Variants in R3HCC1L observed in about 807,000 individuals in gnomAD.
R3HCC1L encodes R3H domain and coiled-coil containing 1 like, also known as coiled-coil domain-containing protein R3HCC1L.
Under a neutral mutation model 59.9 loss-of-function variants are expected in R3HCC1L, and 51 were observed. The ratio of observed to expected loss-of-function variants is 0.85; its 90% CI spans 0.68 to 1.07. The LOEUF (loss-of-function observed/expected upper bound fraction) is 1.07. R3HCC1L is among the 50% of genes least tolerant of loss of function. R3HCC1L has a pLI of 0.00. For missense variants in R3HCC1L, 965 were observed against 933.0 expected (o/e 1.03, Z -0.45); for synonymous variants, 322 against 315.2 (o/e 1.02, Z -0.23).
At chr10:98,236,980 C>G (rs534147082) in intron 9 of R3HCC1L, among the ~76,000 whole-genome samples, 1 of 152,254 alleles carries the variant, frequency 6.6e-6, no homozygotes, top group African/African-American at 2.4e-5. Context: ...TTCCATTAAA[C>G]GAATTGAAGT....
At chr10:98,183,398 A>G (rs1849860854) in intron 4 of R3HCC1L, among the ~76,000 whole-genome samples, 1 of 146,818 alleles carries the variant, frequency 6.8e-6, no homozygotes, top group Admixed American at 6.8e-5. Context: ...TTTTTCCACC[A>G]TCAGTTTGAA....
Position 98,190,041 on chromosome 10 carries a change from A to G in R3HCC1L, c.-14-18060A>G, listed in dbSNP as rs545781254. ...TCTGATATAAAACGGCAGTATTTGT[A>G]TATAACCTATGTACATCCTCCTTTT... On this transcript the variant is annotated intron_variant, in intron 4 of 9. Transcript: ENST00000298999. Among the ~76,000 whole-genome samples the G allele has an allele frequency of 1.8e-4, 28 of 152,352 alleles. No individual in the cohort carries two copies. The East Asian group carries it at 5.4e-3, about 29-fold the overall frequency.
intron 1 of R3HCC1L, among the ~76,000 whole-genome samples, chr10:98,135,051 C>A (rs1013684400): frequency 1.3e-5 from 2 of 152,214 alleles, no homozygotes; most frequent in African/African-American, 2.4e-5. Context: ...CTGGTTACCC[C>A]CTCGGGGCTG....
intron 4 of R3HCC1L, among the ~76,000 whole-genome samples, chr10:98,195,812 T>G (rs111508050): frequency 0.013 from 2,024 of 152,292 alleles, 50 homozygotes; most frequent in African/African-American, 0.046. Context: ...GTATAAAAAT[T>G]CATCGATAAA....
intron 4 of R3HCC1L, among the ~76,000 whole-genome samples, chr10:98,175,003 G>T (rs1848864341): frequency 6.6e-6 from 1 of 152,174 alleles, no homozygotes; most frequent in East Asian, 1.9e-4. Flanking sequence ...AAAGGATTGT[G>T]TAGTTCGGTT....
chr10:98,184,149 C>T (rs928715409), intron 4 of R3HCC1L, among the ~76,000 whole-genome samples: 3 of 151,900 alleles, frequency 2.0e-5, no homozygotes, highest in African/African-American at 7.3e-5. Flanking sequence ...GTTTCTCTAG[C>T]ATTACTTTGT....
At chr10:98,200,392 A>G (rs1239030913) in intron 4 of R3HCC1L, among the ~76,000 whole-genome samples, 2 of 152,094 alleles carry the variant, frequency 1.3e-5, no homozygotes, top group African/African-American at 4.8e-5. Context: ...AAGGGCCTTG[A>G]CTCCGTCTGC....
chr10:98,224,032 G>GAT (rs1484551014), intron 5 of R3HCC1L, among the ~76,000 whole-genome samples: 1 of 152,070 alleles, frequency 6.6e-6, no homozygotes, highest in Non-Finnish European at 1.5e-5. Flanking sequence ...CAGGCTCCCT[G>GAT]ATGTTGCACT....
At chr10:98,202,293 T>C (rs1159225572) in intron 4 of R3HCC1L, among the ~76,000 whole-genome samples, 2 of 152,126 alleles carry the variant, frequency 1.3e-5, no homozygotes, top group African/African-American at 4.8e-5. Flanking sequence ...AAAATTTGCA[T>C]GCTTTTAAAG....
chr10:98,192,008 A>G (rs1442245809), intron 4 of R3HCC1L, among the ~76,000 whole-genome samples: 3 of 152,088 alleles, frequency 2.0e-5, no homozygotes, highest in Non-Finnish European at 4.4e-5. Context: ...TACCTTCAGT[A>G]GAGATGGGGC....
At chr10:98,163,459 T>G in intron 4 of R3HCC1L, 62 bp downstream of exon 4, 1 of 1,053,312 alleles carries the variant, frequency 9.5e-7, no homozygotes. Context: ...TAAAGATTTG[T>G]TTGCTTGTAT....
At chr10:98,211,394 ATG>A in intron 5 of R3HCC1L, 1 of 1,500,850 alleles carries the variant, frequency 6.7e-7, no homozygotes, top group South Asian at 1.3e-5. Context: ...GGAACTGCAA[ATG>A]ACTGTCAGCC....
intron 4 of R3HCC1L, chr10:98,174,549 G>A (rs1367718820): frequency 1.1e-6 from 1 of 927,202 alleles, no homozygotes; most frequent in Non-Finnish European, 1.3e-6. Flanking sequence ...ATATAAAGGA[G>A]TATATAATGA....
At chr10:98,220,386 C>CTTTTT (rs143442343) in intron 5 of R3HCC1L, among the ~76,000 whole-genome samples, 3 of 128,016 alleles carry the variant, frequency 2.3e-5, no homozygotes, top group Middle Eastern at 3.7e-3. Flanking sequence ...TTTTTCCCAT[C>CTTTTT]TTTTTTTTTT....
intron 1 of R3HCC1L, among the ~76,000 whole-genome samples, chr10:98,141,417 G>A (rs570541438): frequency 6.6e-6 from 1 of 152,320 alleles, no homozygotes; most frequent in South Asian, 2.1e-4. Context: ...TTTAGGGGTG[G>A]TGTGTATGTG....
chr10:98,167,151 C>T (rs1304364137), intron 4 of R3HCC1L, among the ~76,000 whole-genome samples: 2 of 151,852 alleles, frequency 1.3e-5, no homozygotes, highest in African/African-American at 4.8e-5. Context: ...GAGCCATGTT[C>T]GTTCAGGACA....
At chr10:98,197,697 CA>C (rs1203518872) in intron 4 of R3HCC1L, among the ~76,000 whole-genome samples, 1 of 151,850 alleles carries the variant, frequency 6.6e-6, no homozygotes, top group Non-Finnish European at 1.5e-5. Context: ...GATACAAAGA[CA>C]AAAAGAAACT....
intron 1 of R3HCC1L, among the ~76,000 whole-genome samples, chr10:98,154,298 C>T (rs940378597): frequency 4.6e-5 from 7 of 151,548 alleles, no homozygotes; most frequent in African/African-American, 7.3e-5. Flanking sequence ...CCAGCGTGTA[C>T]ACGTGTCATT....
chr10:98,240,081 G>A (rs1014337070), intron 9 of R3HCC1L, among the ~76,000 whole-genome samples: 17 of 152,098 alleles, frequency 1.1e-4, no homozygotes, highest in South Asian at 8.3e-4. Flanking sequence ...CAAAGTGGGC[G>A]GATCATCTGA....
Sources: allele counts gnomAD v4.1 joint callset (sites outside exome capture counted in the v4.1 genomes callset), GRCh38; gene constraint gnomAD v4.1.1; transcripts MANE v1.5; gene names NCBI Gene and HGNC (gene_info 2026-07-23, HGNC 2026-07-21).